Variants in TTC7B observed in about 807,000 individuals in gnomAD.
The protein encoded by TTC7B is tetratricopeptide repeat protein 7B.
In TTC7B, 28 loss-of-function variants were observed where a neutral mutation model predicts 106.8. That is an observed-to-expected ratio of 0.26 (90% CI 0.19 to 0.36). TTC7B has a LOEUF of 0.36. Ranked by LOEUF, TTC7B falls within the 10% of genes least tolerant of loss-of-function variation. TTC7B has a pLI of 1.00. For synonymous variants in TTC7B, 405 were observed against 430.6 expected, an observed-to-expected ratio of 0.94 and a Z score of 0.74; for missense variants, 862 against 1,076.4, an observed-to-expected ratio of 0.80 and a Z score of 2.79.
intron 4 of TTC7B, among the ~76,000 whole-genome samples, chr14:90,736,167 T>C (rs1157709845): frequency 1.3e-5 from 2 of 152,076 alleles, no homozygotes; most frequent in Non-Finnish European, 2.9e-5. Flanking sequence ...TATATATATA[T>C]ACCACAATGA....
intron 18 of TTC7B, among the ~76,000 whole-genome samples, chr14:90,591,405 C>T (rs1386363434): frequency 6.6e-6 from 1 of 152,160 alleles, no homozygotes; most frequent in Non-Finnish European, 1.5e-5. Context: ...CTTCAATATT[C>T]TAATAATCAG....
chr14:90,672,904 A>C (rs1271842458), intron 9 of TTC7B, among the ~76,000 whole-genome samples: 2 of 152,210 alleles, frequency 1.3e-5, no homozygotes, highest in African/African-American at 4.8e-5. Flanking sequence ...TACATGGATT[A>C]ATGAATATGC....
At chr14:90,762,686 T>A (rs1461703900) in intron 3 of TTC7B, among the ~76,000 whole-genome samples, 1 of 152,176 alleles carries the variant, frequency 6.6e-6, no homozygotes, top group African/African-American at 2.4e-5. Context: ...GGGCTCCTAT[T>A]CAAAGTATTG....
At chr14:90,694,487 A>G (rs762427467) in intron 6 of TTC7B, among the ~76,000 whole-genome samples, 1 of 151,198 alleles carries the variant, frequency 6.6e-6, no homozygotes, top group Non-Finnish European at 1.5e-5. Flanking sequence ...ACTGCTATTT[A>G]TATATTATAA....
At chr14:90,751,342 C>T (rs566462190) in intron 3 of TTC7B, among the ~76,000 whole-genome samples, 2 of 152,122 alleles carry the variant, frequency 1.3e-5, no homozygotes, top group Non-Finnish European at 2.9e-5. Flanking sequence ...CACACAAGAG[C>T]GCTCCCACAG....
intron 3 of TTC7B, among the ~76,000 whole-genome samples, chr14:90,769,230 TAACA>T (rs1890785543): frequency 6.6e-6 from 1 of 151,862 alleles, no homozygotes; most frequent in South Asian, 2.1e-4. Flanking sequence ...AAAAATCAAC[TAACA>T]AAAGAAGACA....
chr14:90,686,719 T>C (rs949759794), intron 7 of TTC7B, among the ~76,000 whole-genome samples: 4 of 152,226 alleles, frequency 2.6e-5, no homozygotes, highest in Admixed American at 2.6e-4. Context: ...AAAACAACTC[T>C]ATTTATAATA....
chr14:90,806,985 G>C (rs1291918730), intron 1 of TTC7B, among the ~76,000 whole-genome samples: 1 of 152,128 alleles, frequency 6.6e-6, no homozygotes, highest in African/African-American at 2.4e-5. Context: ...TGACAGAACC[G>C]AGATCTGAAC....
At chr14:90,666,306 C>T (rs1299494924) in intron 9 of TTC7B, among the ~76,000 whole-genome samples, 1 of 152,132 alleles carries the variant, frequency 6.6e-6, no homozygotes. Flanking sequence ...GGATTACAGG[C>T]GTGCGCCACC....
At chr14:90,702,020 T>C (rs1472835091) in intron 5 of TTC7B, among the ~76,000 whole-genome samples, 1 of 152,148 alleles carries the variant, frequency 6.6e-6, no homozygotes, top group Non-Finnish European at 1.5e-5. Context: ...CGAACTTATC[T>C]ATCATATAAG....
At chr14:90,583,236 T>C (rs533593431) in intron 18 of TTC7B, among the ~76,000 whole-genome samples, 55 of 152,354 alleles carry the variant, frequency 3.6e-4, no homozygotes, top group African/African-American at 1.1e-3. Flanking sequence ...GCTTTCTCGC[T>C]AAACTGTAGA....
rs1884331713 is a variant in TTC7B at position 90,624,107 on chromosome 14, T to TGTGCGC, written c.1752-6068_1752-6063dup. Among the ~76,000 whole-genome samples the TGTGCGC allele has an allele frequency of 6.6e-6, 1 of 151,510 alleles. No individual in the cohort carries two copies. Among genetic ancestry groups the TGTGCGC allele is most frequent in the South Asian group, 2.1e-4 (1 of 4,826 alleles). ...GTGCGTGTATATGTGTGCATGTGTG[T>TGTGCGC]GTGCGCGTGCGCGTGTGTGTGTTTT... On this transcript the variant is annotated intron_variant, in intron 15 of 19. Coordinates refer to ENST00000328459, the MANE Select transcript of TTC7B (RefSeq NM_001010854.2). The surrounding 1 kb of genome is among the most constrained non-coding windows in gnomAD (Gnocchi z 4.0).
At position 90,757,212 on chromosome 14, in the gene TTC7B, G is replaced by A. The variant is rs1221632371; in HGVS notation, c.446-12290C>T. On this transcript the variant is annotated intron_variant, in intron 3 of 19. Transcript: ENST00000328459. The surrounding 1 kb of genome is among the most constrained non-coding windows in gnomAD (Gnocchi z 4.1). ...CCGGAAAGCTCCCCTGAACCACCCC[G>A]TTCCCTCCACTCATGGACTTTTCTA... is the stretch of plus-strand genomic sequence containing the variant. Among the ~76,000 whole-genome samples the A allele has an allele frequency of 1.3e-5, 2 of 152,052 alleles. No homozygotes were observed. The highest frequency in any genetic ancestry group is 2.9e-5 in the Non-Finnish European group (2 of 67,998).
At chr14:90,796,236 G>C (rs527709586) in intron 1 of TTC7B, among the ~76,000 whole-genome samples, 2 of 152,194 alleles carry the variant, frequency 1.3e-5, no homozygotes, top group Admixed American at 6.5e-5. Context: ...GGGGTAAAGA[G>C]GGACTCAAGG....
intron 9 of TTC7B, among the ~76,000 whole-genome samples, chr14:90,669,202 C>CA (rs1218849206): frequency 6.6e-6 from 1 of 151,784 alleles, no homozygotes; most frequent in Non-Finnish European, 1.5e-5. Flanking sequence ...ACACCATATA[C>CA]AAAAAAACTA....
chr14:90,802,660 C>T lies in TTC7B; in HGVS notation c.121+13515G>A, dbSNP rs1041950490. Among the ~76,000 whole-genome samples the T allele has an allele frequency of 2.0e-5, 3 of 152,194 alleles. No individual in the cohort carries two copies. The highest frequency in any genetic ancestry group is 2.4e-5 in the African/African-American group (1 of 41,442). The stretch of plus-strand genomic sequence containing the variant: ...CTTTGGAGCATGGGAATCCGACCTA[C>T]TGAAGAGCGGCGGTGCTCCTCCCGG... On this transcript the variant is annotated intron_variant, in intron 1 of 19. Coordinates refer to ENST00000328459, the MANE Select transcript of TTC7B (RefSeq NM_001010854.2). This position sits in a 1 kb window ranked among gnomAD's most constrained non-coding sequence, Gnocchi z 4.7.
chr14:90,707,637 A>C (rs1888263239), intron 5 of TTC7B, among the ~76,000 whole-genome samples: 1 of 152,186 alleles, frequency 6.6e-6, no homozygotes, highest in African/African-American at 2.4e-5. Context: ...AAAGCAAAAG[A>C]GCCTTATTGC....
intron 19 of TTC7B, among the ~76,000 whole-genome samples, chr14:90,543,833 C>A (rs1190664603): frequency 4.6e-5 from 7 of 152,214 alleles, no homozygotes; most frequent in Admixed American, 3.9e-4. Context: ...ACGAGGCAAC[C>A]CAGCCTGCTC....
chr14:90,702,636 G>A (rs1031847048), intron 5 of TTC7B, among the ~76,000 whole-genome samples: 1 of 152,082 alleles, frequency 6.6e-6, no homozygotes, highest in Non-Finnish European at 1.5e-5. Flanking sequence ...AAGGAAAAAA[G>A]ATATTCCCCA....
Sources: gnomAD v4.1 joint callset for allele counts (sites outside exome capture counted in the v4.1 genomes callset) on GRCh38, gnomAD v4.1.1 for gene constraint, Gnocchi (gnomAD v3.1) non-coding constraint, MANE v1.5 for transcripts, NCBI Gene and HGNC (gene_info 2026-07-23, HGNC 2026-07-21) for gene names.